ERAP1: variants seen among roughly 807,000 people sequenced by gnomAD.
The protein encoded by ERAP1 is endoplasmic reticulum aminopeptidase 1.
In ERAP1, 86 loss-of-function variants were observed where a neutral mutation model predicts 103.7. That is an observed-to-expected ratio of 0.83 (90% CI 0.70 to 0.99). The LOEUF (loss-of-function observed/expected upper bound fraction) is 0.99. Ranked by LOEUF, ERAP1 falls within the 50% of genes least tolerant of loss-of-function variation. The pLI, the probability that ERAP1 is intolerant of heterozygous loss-of-function variation, is 0.00. For synonymous variants in ERAP1, 398 were observed against 402.4 expected, an observed-to-expected ratio of 0.99 and a Z score of 0.13; for missense variants, 1,009 against 1,128.4, an observed-to-expected ratio of 0.89 and a Z score of 1.52.
At chr5:96,875,528 C>A in the ERAP1 span, among the ~76,000 whole-genome samples, 1 of 127,524 alleles carries the variant, frequency 7.8e-6, no homozygotes, top group East Asian at 2.3e-4. Flanking sequence ...AGAGTGAGAC[C>A]CTATCTCAAA....
chr5:96,845,015 T>A, the ERAP1 span, among the ~76,000 whole-genome samples: 1 of 152,182 alleles, frequency 6.6e-6, no homozygotes, highest in African/African-American at 2.4e-5. Flanking sequence ...GCATTGTGTT[T>A]TTCAAAGTTT....
the ERAP1 span, among the ~76,000 whole-genome samples, chr5:96,818,645 G>A: frequency 1.3e-5 from 2 of 152,096 alleles, no homozygotes; most frequent in Admixed American, 6.5e-5. Context: ...TTCAACGCCC[G>A]AGGCATTCAG....
the ERAP1 span, among the ~76,000 whole-genome samples, chr5:96,818,884 C>A: frequency 1.1e-3 from 168 of 148,280 alleles, 1 homozygote; most frequent in East Asian, 0.021. Flanking sequence ...TGAAGCCAAA[C>A]CTGAACTGCA....
rs954668540 is a variant in ERAP1 at position 96,775,220 on chromosome 5, G to C, written c.*1176C>G. 1 of 985,298 alleles carries C rather than the reference G, an allele frequency of 1.0e-6. No homozygotes were observed. Among genetic ancestry groups the C allele is most frequent in the Non-Finnish European group, 1.2e-6 (1 of 829,902 alleles). The allele number at this position is 985,298 out of a possible 1,614,324, so 61.0% of individuals were successfully genotyped here. On this transcript the variant is annotated 3_prime_UTR_variant, in exon 19 of 19. Coordinates refer to ENST00000443439, the MANE Select transcript of ERAP1 (RefSeq NM_001040458.3). ...TTATTATCATCTATACATAAAACCTGAGCAGCAACTGTGTGCTGAAGCAAC... is the reference window on the plus strand; with the variant it reads ...TTATTATCATCTATACATAAAACCTCAGCAGCAACTGTGTGCTGAAGCAAC...
rs555106606 is a variant in ERAP1, at chr5:96,784,094, A to G, written c.1944-14T>C. The G allele has an allele frequency of 1.2e-6, 2 of 1,613,960 alleles. No individual in the cohort carries two copies. ...AGCTTCCCAATGCTGACCAAGAGAC[A>G]CTGTGGTTAGTGGTTTAAAAGTAAA... On this transcript the variant is annotated splice_polypyrimidine_tract_variant and intron_variant, in intron 13 of 18. Transcript: ENST00000443439.
Position 96,795,170 on chromosome 5 carries a change from G to C in ERAP1, c.799-8C>G. The C allele has an allele frequency of 6.2e-7, 1 of 1,612,800 alleles. No homozygotes were observed. Among genetic ancestry groups the C allele is most frequent in the Middle Eastern group, 1.7e-4 (1 of 6,060 alleles). On this transcript the variant is annotated splice_region_variant and splice_polypyrimidine_tract_variant and intron_variant, in intron 4 of 18. Coordinates refer to ENST00000443439, the MANE Select transcript of ERAP1 (RefSeq NM_001040458.3). ...CACAGCATAAACAGAAACCTAAAGA[G>C]AAAGGCACAGAAAGGAATTCAAATA...
chr5:96,915,068 C>T, the ERAP1 span, among the ~76,000 whole-genome samples: 61 of 151,864 alleles, frequency 4.0e-4, 2 homozygotes, highest in Admixed American at 3.1e-3. Flanking sequence ...AGTGCAATGG[C>T]GCCATGTTGG....
At chr5:96,813,650 C>CAAAAAAA in the ERAP1 span, among the ~76,000 whole-genome samples, 597 of 55,142 alleles carry the variant, frequency 0.011, 181 homozygotes, top group African/African-American at 0.038. Flanking sequence ...AGACTCATCT[C>CAAAAAAA]AAAAAAAAAA....
chr5:96,855,154 C>A, the ERAP1 span, among the ~76,000 whole-genome samples: 1 of 152,172 alleles, frequency 6.6e-6, no homozygotes, highest in Admixed American at 6.5e-5. Flanking sequence ...CACATAACTT[C>A]CACTGACCTC....
the ERAP1 span, among the ~76,000 whole-genome samples, chr5:96,911,865 T>A: frequency 2.1e-4 from 6 of 28,382 alleles, no homozygotes; most frequent in East Asian, 1.3e-3. Flanking sequence ...AGACCCTGTC[T>A]CAAAAAAAAA....
the ERAP1 span, among the ~76,000 whole-genome samples, chr5:96,887,094 TATATATACACAC>T: frequency 1.9e-4 from 22 of 115,562 alleles, no homozygotes; most frequent in African/African-American, 2.4e-4. Context: ...TATATATATA[TATATATACACAC>T]ACACACACAC....
At chr5:96,771,587 C>A, downstream of ERAP1, 1 of 1,337,814 alleles carries the variant, frequency 7.5e-7, no homozygotes, top group Non-Finnish European at 1.1e-6. Flanking sequence ...AGAAGGCCAT[C>A]TCCTCATACT....
the ERAP1 span, among the ~76,000 whole-genome samples, chr5:96,828,840 C>T: frequency 3.3e-5 from 5 of 152,000 alleles, no homozygotes; most frequent in South Asian, 2.1e-4. Flanking sequence ...TATTTTTCTT[C>T]GTGACTTTTT....
downstream of ERAP1, chr5:96,774,166 T>TTTC (rs1433373411): frequency 7.8e-5 from 12 of 153,794 alleles, no homozygotes; most frequent in African/African-American, 2.9e-4. Flanking sequence ...GCTTTTTTGT[T>TTTC]TTCTTTTTTT....
At chr5:96,838,057 G>A in the ERAP1 span, among the ~76,000 whole-genome samples, 1 of 152,078 alleles carries the variant, frequency 6.6e-6, no homozygotes, top group African/African-American at 2.4e-5. Context: ...CAGGGATGGG[G>A]GGTGGGGTGG....
At chr5:96,780,607 G>A (rs1328713016) in intron 17 of ERAP1, 103 bp from the exon 18 acceptor site, 10 of 913,228 alleles carry the variant, frequency 1.1e-5, no homozygotes, top group East Asian at 7.7e-5. Context: ...AAAACTGATC[G>A]GTGTGAAAAA....
At chr5:96,898,918 A>G in the ERAP1 span, among the ~76,000 whole-genome samples, 2 of 151,890 alleles carry the variant, frequency 1.3e-5, no homozygotes, top group East Asian at 3.8e-4. Flanking sequence ...CTCCCTTGCC[A>G]TGTGTGTGTG....
At chr5:96,815,201 G>A in the ERAP1 span, among the ~76,000 whole-genome samples, 1 of 152,092 alleles carries the variant, frequency 6.6e-6, no homozygotes, top group Non-Finnish European at 1.5e-5. Context: ...TGTTAGATTT[G>A]TTTTTTCCCT....
the ERAP1 span, among the ~76,000 whole-genome samples, chr5:96,833,195 T>C: frequency 6.6e-6 from 1 of 152,220 alleles, no homozygotes; most frequent in African/African-American, 2.4e-5. Flanking sequence ...GAGACCAATA[T>C]TTAGACAGAA....
Sources: gnomAD v4.1 joint callset for allele counts (sites outside exome capture counted in the v4.1 genomes callset) on GRCh38, gnomAD v4.1.1 for gene constraint, MANE v1.5 for transcripts, NCBI Gene and HGNC (gene_info 2026-07-23, HGNC 2026-07-21) for gene names.